The following CCSER1 variants were observed in gnomAD, a reference collection of about 807,000 sequenced individuals.
The protein encoded by CCSER1 is serine-rich coiled-coil domain-containing protein 1.
Under a neutral mutation model 82.0 loss-of-function variants are expected in CCSER1, and 41 were observed. The observed-to-expected ratio is 0.50, with a 90% CI of 0.39 to 0.65. The LOEUF is 0.65. Among genes scored for constraint, CCSER1 ranks in the 30% least tolerant of loss-of-function variants. The pLI is 0.00. For synonymous variants in CCSER1, 414 were observed against 383.9 expected (o/e 1.08, Z -0.92); for missense variants, 1,119 against 1,064.2 (o/e 1.05, Z -0.72).
At chr4:90,686,726 T>C (rs1734872030) in intron 6 of CCSER1, among the ~76,000 whole-genome samples, 1 of 152,118 alleles carries the variant, frequency 6.6e-6, no homozygotes, top group African/African-American at 2.4e-5. Flanking sequence ...GGCAAGCATT[T>C]AGCCAAGTGC....
intron 3 of CCSER1, among the ~76,000 whole-genome samples, chr4:90,358,887 G>A (rs1744806712): frequency 6.6e-6 from 1 of 152,178 alleles, no homozygotes; most frequent in South Asian, 2.1e-4. Context: ...AGGCACTTAA[G>A]TCATTGTAGA....
intron 8 of CCSER1, among the ~76,000 whole-genome samples, chr4:90,859,299 T>C (rs1470545324): frequency 6.6e-6 from 1 of 151,884 alleles, no homozygotes. Context: ...TTTCACATTG[T>C]GGAAAAAATG....
At chr4:91,171,456 A>G (rs1033223185) in intron 10 of CCSER1, among the ~76,000 whole-genome samples, 2 of 152,224 alleles carry the variant, frequency 1.3e-5, no homozygotes, top group East Asian at 1.9e-4. Context: ...CAAAGTAAGC[A>G]TTGAGTCAGA....
At chr4:90,206,570 G>C (rs1053752657) in intron 1 of CCSER1, among the ~76,000 whole-genome samples, 1 of 151,048 alleles carries the variant, frequency 6.6e-6, no homozygotes, top group Non-Finnish European at 1.5e-5. Context: ...AGACTGTTAT[G>C]ATTTCCATTC....
chr4:90,899,954 CG>C (rs1369788553), intron 8 of CCSER1, among the ~76,000 whole-genome samples: 1 of 151,686 alleles, frequency 6.6e-6, no homozygotes, highest in East Asian at 1.9e-4. Flanking sequence ...AGGTGATACT[CG>C]TTTCCTAGAA....
At chr4:90,228,738 A>G (rs1349381710) in intron 1 of CCSER1, among the ~76,000 whole-genome samples, 1 of 152,208 alleles carries the variant, frequency 6.6e-6, no homozygotes, top group African/African-American at 2.4e-5. Context: ...GTTTAGAAGA[A>G]TGTATAACTA....
chr4:91,355,215 CT>C lies in CCSER1; in HGVS notation c.2218-243356del, dbSNP rs1748743461. ...TGACAGATATACTTTTTTTTTTTAA[CT>C]GTTTAACTTTTTTTTAGTTTACAGA... is the stretch of plus-strand genomic sequence containing the variant. On this transcript the variant is annotated intron_variant, in intron 10 of 10. Transcript: ENST00000509176. Among the ~76,000 whole-genome samples, 3 of 150,286 alleles carry C rather than the reference CT, an allele frequency of 2.0e-5. No homozygotes were observed. In the East Asian group the frequency reaches 5.9e-4, roughly 29 times the overall value.
At chr4:90,720,312 A>C (rs933640317) in intron 6 of CCSER1, among the ~76,000 whole-genome samples, 1 of 151,158 alleles carries the variant, frequency 6.6e-6, no homozygotes, top group Non-Finnish European at 1.5e-5. Context: ...AAAAAAAAAC[A>C]CAAGACCTAG....
In CCSER1 at chr4:91,188,899, C is replaced by T. The variant is rs1326155296; in HGVS notation, c.2217+102905C>T. Among the ~76,000 whole-genome samples the T allele has an allele frequency of 3.3e-5, 5 of 151,978 alleles. No individual in the cohort carries two copies. The East Asian group carries it at 7.7e-4, about 24-fold the overall frequency. ...GTGCTAGCATACCTATTTATATGTC[C>T]TCCAGAAAGAAAGATCTGTTACTTA... On this transcript the variant is annotated intron_variant, in intron 10 of 10. Transcript: ENST00000509176.
chr4:90,879,740 T>C (rs1445712469), intron 8 of CCSER1, among the ~76,000 whole-genome samples: 1 of 152,116 alleles, frequency 6.6e-6, no homozygotes, highest in African/African-American at 2.4e-5. Context: ...GGAGAACTGG[T>C]GCAGTTGTTT....
rs575301524 is a variant in CCSER1, at chr4:90,129,139, C to T, written c.-42+1308C>T. ...CCTATTGAAATGTAACACACATCCT[C>T]CCTTCTCTGCCCCTCAAGGACTATT... On this transcript the variant is annotated intron_variant, in intron 1 of 10. Coordinates refer to ENST00000509176, the MANE Select transcript of CCSER1 (RefSeq NM_001145065.2). Among the ~76,000 whole-genome samples the T allele has an allele frequency of 8.6e-5, 13 of 151,878 alleles. No individual in the cohort carries two copies. In the South Asian group the frequency reaches 2.1e-3, roughly 24 times the overall value.
At chr4:90,613,894 G>T (rs1644411109) in intron 5 of CCSER1, among the ~76,000 whole-genome samples, 1 of 152,134 alleles carries the variant, frequency 6.6e-6, no homozygotes, top group African/African-American at 2.4e-5. Flanking sequence ...ATTTAACAGT[G>T]CTCCTGTAAC....
At chr4:91,153,459 T>C (rs1213175866) in intron 10 of CCSER1, among the ~76,000 whole-genome samples, 1 of 151,914 alleles carries the variant, frequency 6.6e-6, no homozygotes, top group Non-Finnish European at 1.5e-5. Flanking sequence ...TTCAGACATC[T>C]TCCTTTAGCT....
chr4:90,604,896 GC>G (rs1469698629), intron 5 of CCSER1, among the ~76,000 whole-genome samples: 2 of 152,288 alleles, frequency 1.3e-5, no homozygotes, highest in Admixed American at 1.3e-4. Context: ...TGTAAAGTGG[GC>G]CAATCAGCTC....
chr4:91,237,521 C>G (rs7663809), intron 10 of CCSER1, among the ~76,000 whole-genome samples: 17,251 of 151,990 alleles, frequency 0.11, 1,580 homozygotes, highest in African/African-American at 0.26. Flanking sequence ...TTCTTTTTCT[C>G]TCAAAATTAT....
chr4:90,307,659 A>T (rs1274483605), intron 1 of CCSER1, among the ~76,000 whole-genome samples: 8 of 152,096 alleles, frequency 5.3e-5, no homozygotes, highest in Non-Finnish European at 1.2e-4. Flanking sequence ...TTAAAAAAAA[A>T]AAAGAGAAGA....
chr4:91,545,162 C>G lies in CCSER1; in HGVS notation c.2218-53410C>G, dbSNP rs182412956. Among the ~76,000 whole-genome samples the G allele has an allele frequency of 3.0e-4, 45 of 152,204 alleles. No homozygotes were observed. The East Asian group carries it at 8.3e-3, about 28-fold the overall frequency. On this transcript the variant is annotated intron_variant, in intron 10 of 10. Transcript: ENST00000509176. The stretch of plus-strand genomic sequence containing the variant: ...ATATAATCTCCTGGTGTGCCATTTG[C>G]TAAGACCATTGGAAAAGCACAGTAT...
chr4:90,830,417 T>C (rs1022614477), intron 8 of CCSER1, among the ~76,000 whole-genome samples: 6 of 152,180 alleles, frequency 3.9e-5, no homozygotes, highest in African/African-American at 1.4e-4. Flanking sequence ...AAAAAGTGCT[T>C]CAGTGTAAGG....
chr4:91,584,131 T>G (rs1454105259), intron 10 of CCSER1, among the ~76,000 whole-genome samples: 3 of 151,486 alleles, frequency 2.0e-5, no homozygotes, highest in South Asian at 2.1e-4. Context: ...AGATACAAGT[T>G]CAACAAATAA....
Sources: allele counts gnomAD v4.1 joint callset (sites outside exome capture counted in the v4.1 genomes callset), GRCh38; gene constraint gnomAD v4.1.1; transcripts MANE v1.5; gene names NCBI Gene and HGNC (gene_info 2026-07-23, HGNC 2026-07-21).